The following GALK2 variants were observed in gnomAD, a reference collection of about 807,000 sequenced individuals.
GALK2 encodes galactokinase 2.
In GALK2, 36 loss-of-function variants were observed where a neutral mutation model predicts 52.4. The ratio of observed to expected loss-of-function variants is 0.69; its 90% CI spans 0.53 to 0.91. The LOEUF is 0.91. Ranked by LOEUF, GALK2 falls within the 40% of genes least tolerant of loss-of-function variation. GALK2 has a pLI of 0.00. For synonymous variants in GALK2, 176 were observed against 199.1 expected (o/e 0.88, Z 0.98); for missense variants, 579 against 559.1 (o/e 1.04, Z -0.36).
chr15:49,299,721 T>C lies in GALK2; in HGVS notation c.967+7184T>C, dbSNP rs551015375. On this transcript the variant is annotated intron_variant, in intron 8 of 9. Transcript: ENST00000560031. Reference sequence around the variant, plus strand: ...TCTTCTTGGTATTGCTTTCTTTCTTTCTTTCTTTCTTTCTTTTCTTTCTTT... The same window carrying C: ...TCTTCTTGGTATTGCTTTCTTTCTTCCTTTCTTTCTTTCTTTTCTTTCTTT... Among the ~76,000 whole-genome samples, 10 of 34,454 alleles carry C rather than the reference T, an allele frequency of 2.9e-4. No homozygotes were observed. In the South Asian group the frequency reaches 0.014, roughly 47 times the overall value. 22.6% of individuals were successfully genotyped at this position (34,454 alleles called of 152,430 possible). A position where few individuals can be genotyped will look rare whatever the true frequency, so the allele number is the denominator to read the frequency against.
At chr15:49,241,402 T>C (rs1337292813) in intron 5 of GALK2, among the ~76,000 whole-genome samples, 1 of 151,978 alleles carries the variant, frequency 6.6e-6, no homozygotes. Context: ...ACTGAAGGGA[T>C]TGAGGAGTAG....
intron 1 of GALK2, among the ~76,000 whole-genome samples, chr15:49,180,043 A>G (rs931361747): frequency 3.3e-5 from 5 of 152,178 alleles, no homozygotes; most frequent in South Asian, 2.1e-4. Context: ...GGAATGTTGT[A>G]TAGTAAGCCT....
chr15:49,367,708 G>T, exon 4 of GALK2: 1 of 1,128,040 alleles, frequency 8.9e-7, no homozygotes, highest in Non-Finnish European at 1.2e-6. Flanking sequence ...GTTACCATTT[G>T]ATATATTAAA....
At chr15:49,333,254 C>A (rs1225957968), downstream of GALK2, among the ~76,000 whole-genome samples, 1 of 152,114 alleles carries the variant, frequency 6.6e-6, no homozygotes, top group African/African-American at 2.4e-5. Context: ...CATTACTAAT[C>A]CTCCCTCTTT....
At chr15:49,195,600 T>A (rs2087156476) in intron 1 of GALK2, among the ~76,000 whole-genome samples, 1 of 152,194 alleles carries the variant, frequency 6.6e-6, no homozygotes, top group Non-Finnish European at 1.5e-5. Flanking sequence ...CTTTTATTAT[T>A]CAAGTTGGTT....
At chr15:49,261,249 G>A (rs1158788435) in intron 5 of GALK2, among the ~76,000 whole-genome samples, 1 of 148,482 alleles carries the variant, frequency 6.7e-6, no homozygotes, top group Non-Finnish European at 1.5e-5. Flanking sequence ...TCCTTGAGCA[G>A]TGGTTTGTAG....
At chr15:49,170,465 C>A in intron 1 of GALK2, 90 bp downstream of exon 1, 1 of 1,351,860 alleles carries the variant, frequency 7.4e-7, no homozygotes, top group Non-Finnish European at 1.0e-6. Flanking sequence ...CCTTGGGGCG[C>A]TGCTTTTGGT....
At chr15:49,202,072 C>T (rs1161307790) in intron 2 of GALK2, among the ~76,000 whole-genome samples, 9 of 152,194 alleles carry the variant, frequency 5.9e-5, no homozygotes, top group Non-Finnish European at 1.5e-5. Flanking sequence ...GGTGCAGTCT[C>T]GGCTCACTGC....
chr15:49,261,963 A>G (rs1469899822), intron 5 of GALK2, among the ~76,000 whole-genome samples: 1 of 152,106 alleles, frequency 6.6e-6, no homozygotes, highest in Admixed American at 6.6e-5. Flanking sequence ...TGCTGGATTC[A>G]GTTTGCCAGT....
chr15:49,265,622 A>G (rs76523347), intron 5 of GALK2, among the ~76,000 whole-genome samples: 3 of 152,228 alleles, frequency 2.0e-5, no homozygotes, highest in Admixed American at 6.5e-5. Context: ...AGATGAACCC[A>G]GTACCTCAGA....
chr15:49,228,687 A>ATATATATATATATATTTTTT (rs1555409061), intron 3 of GALK2, among the ~76,000 whole-genome samples: 1 of 14,274 alleles, frequency 7.0e-5, no homozygotes, highest in Non-Finnish European at 1.2e-4. Flanking sequence ...ATATATATAT[A>ATATATATATATATATTTTTT]TTTTTTTTTT....
chr15:49,163,730 C>A (rs569890995), intron 1 of GALK2, among the ~76,000 whole-genome samples: 1 of 152,234 alleles, frequency 6.6e-6, no homozygotes, highest in South Asian at 2.1e-4. Flanking sequence ...CATTATTAAA[C>A]AGAAAGCTCC....
At chr15:49,202,629 A>G (rs965611243) in intron 2 of GALK2, among the ~76,000 whole-genome samples, 3 of 152,188 alleles carry the variant, frequency 2.0e-5, no homozygotes, top group African/African-American at 7.2e-5. Flanking sequence ...TTGATTCTGT[A>G]TCTTGACTAT....
At chr15:49,159,026 C>T (rs2084552479) in intron 1 of GALK2, 1 of 152,200 alleles carries the variant, frequency 6.6e-6, no homozygotes. Context: ...ACAGGGGTCT[C>T]ACCATGTTGC....
At chr15:49,237,072 C>T (rs752164870) in intron 4 of GALK2, among the ~76,000 whole-genome samples, 4 of 152,182 alleles carry the variant, frequency 2.6e-5, no homozygotes, top group African/African-American at 4.8e-5. Flanking sequence ...TATTTGGAAG[C>T]ATTTGCCTGG....
chr15:49,181,867 C>CATAA (rs1374291385), intron 1 of GALK2, among the ~76,000 whole-genome samples: 1 of 151,388 alleles, frequency 6.6e-6, no homozygotes, highest in Non-Finnish European at 1.5e-5. Flanking sequence ...TTTATGGGTA[C>CATAA]ATAATATAGA....
intron 3 of GALK2, among the ~76,000 whole-genome samples, chr15:49,361,264 A>G (rs1326958075): frequency 6.6e-6 from 1 of 152,170 alleles, no homozygotes; most frequent in Non-Finnish European, 1.5e-5. Flanking sequence ...CTTTTATTTT[A>G]GGTTCAGGGG....
chr15:49,162,404 GT>G (rs1268718852), intron 1 of GALK2, among the ~76,000 whole-genome samples: 1 of 152,018 alleles, frequency 6.6e-6, no homozygotes, highest in Non-Finnish European at 1.5e-5. Flanking sequence ...GATATTTTAA[GT>G]TTTTTTCAGT....
chr15:49,249,395 A>T (rs991569120), intron 5 of GALK2, among the ~76,000 whole-genome samples: 1 of 152,190 alleles, frequency 6.6e-6, no homozygotes, highest in Non-Finnish European at 1.5e-5. Flanking sequence ...CCTATGCCTC[A>T]GTTTCTGTTT....
Sources: gnomAD v4.1 joint callset for allele counts (sites outside exome capture counted in the v4.1 genomes callset) on GRCh38, gnomAD v4.1.1 for gene constraint, MANE v1.5 for transcripts, NCBI Gene and HGNC (gene_info 2026-07-23, HGNC 2026-07-21) for gene names.